MYLK: variants seen among roughly 807,000 people sequenced by gnomAD.
MYLK encodes myosin light chain kinase, smooth muscle.
A neutral mutation model predicts 203.4 loss-of-function variants in MYLK; 106 were observed. The ratio of observed to expected loss-of-function variants is 0.52; its 90% confidence interval spans 0.45 to 0.61. The LOEUF (loss-of-function observed/expected upper bound fraction) is 0.61, where lower values mean the gene tolerates loss of function less well. Ranked by LOEUF, MYLK falls within the 20% of genes least tolerant of loss-of-function variation. The pLI is 0.00. For synonymous variants in MYLK, 867 were observed against 959.5 expected (o/e 0.90, Z 1.78); for missense variants, 2,072 against 2,442.3 (o/e 0.85, Z 3.20).
intron 13 of MYLK, among the ~76,000 whole-genome samples, chr3:123,719,039 GAGA>G (rs1405991492): frequency 6.6e-6 from 1 of 152,206 alleles, no homozygotes; most frequent in Non-Finnish European, 1.5e-5. Flanking sequence ...CCAGGATTTG[GAGA>G]AGAAGAGAGT....
chr3:123,755,557 T>C (rs1417705689), intron 4 of MYLK, among the ~76,000 whole-genome samples: 1 of 152,090 alleles, frequency 6.6e-6, no homozygotes, highest in African/African-American at 2.4e-5. Flanking sequence ...AGTTCCAAGG[T>C]CTGAATGATT....
At chr3:123,673,289 A>G (rs1252820383) in intron 20 of MYLK, among the ~76,000 whole-genome samples, 4 of 150,670 alleles carry the variant, frequency 2.7e-5, no homozygotes, top group African/African-American at 7.4e-5. Flanking sequence ...GCACCCACTC[A>G]GCTAATTTTT....
intron 2 of MYLK, among the ~76,000 whole-genome samples, chr3:123,852,435 A>C (rs1393394249): frequency 6.6e-6 from 1 of 152,138 alleles, no homozygotes; most frequent in Non-Finnish European, 1.5e-5. Flanking sequence ...CAGGGATTCA[A>C]CTTCTGCCTG....
At chr3:123,787,884 G>A (rs1446131916) in intron 4 of MYLK, among the ~76,000 whole-genome samples, 2 of 152,160 alleles carry the variant, frequency 1.3e-5, no homozygotes, top group Admixed American at 1.3e-4. Context: ...TCTCCACAAA[G>A]TTGGGGCTAG....
intron 18 of MYLK, among the ~76,000 whole-genome samples, chr3:123,694,091 G>C (rs2060802478): frequency 6.6e-6 from 1 of 152,234 alleles, no homozygotes; most frequent in South Asian, 2.1e-4. Flanking sequence ...AAGGATATCA[G>C]TTCTGCCCAG....
chr3:123,763,837 G>A (rs956571387), intron 4 of MYLK, among the ~76,000 whole-genome samples: 4 of 152,112 alleles, frequency 2.6e-5, no homozygotes, highest in African/African-American at 7.2e-5. Context: ...TTTCATTACT[G>A]GCAATGCATG....
intron 12 of MYLK, among the ~76,000 whole-genome samples, chr3:123,725,483 G>A (rs1005207982): frequency 2.0e-5 from 3 of 152,286 alleles, no homozygotes; most frequent in Non-Finnish European, 4.4e-5. Flanking sequence ...AGAACCACCT[G>A]CCACTAAATA....
rs140167561 is a variant in MYLK at position 123,737,133 on chromosome 3, C to T, written c.754+245G>A. 918 of 502,314 alleles carry T rather than the reference C, an allele frequency of 1.8e-3. 9 individuals are homozygous for T. The highest frequency in any genetic ancestry group is 8.9e-3 in the Middle Eastern group (16 of 1,790). 31.1% of individuals were successfully genotyped at this position (502,314 alleles called of 1,614,324 possible). A position where few individuals can be genotyped will look rare whatever the true frequency, so the allele number is the denominator to read the frequency against. On this transcript the variant is annotated intron_variant, in intron 8 of 33. Transcript: ENST00000360304. ...ACTCAGGAGGCTGAGGCAGGAGAAT[C>T]GCTTGAACCTGGGTGGCGGAGGTTG... is the stretch of plus-strand genomic sequence containing the variant.
chr3:123,779,749 A>G (rs929881750), intron 4 of MYLK, among the ~76,000 whole-genome samples: 1 of 151,934 alleles, frequency 6.6e-6, no homozygotes, highest in Non-Finnish European at 1.5e-5. Flanking sequence ...ACCATCTCCC[A>G]CCCGCCTTTA....
At chr3:123,717,614 A>T (rs1009945829) in intron 13 of MYLK, among the ~76,000 whole-genome samples, 1 of 151,960 alleles carries the variant, frequency 6.6e-6, no homozygotes, top group Non-Finnish European at 1.5e-5. Flanking sequence ...AAAAAATTTT[A>T]AATATTCTAG....
chr3:123,647,166 G>T, intron 27 of MYLK, 58 bp downstream of exon 27: 5 of 1,525,694 alleles, frequency 3.3e-6, no homozygotes, highest in South Asian at 1.1e-5. Context: ...AGGGCAGTAG[G>T]GGAGACACGT....
chr3:123,824,876 C>T (rs1045929405), intron 3 of MYLK, among the ~76,000 whole-genome samples: 7 of 152,078 alleles, frequency 4.6e-5, no homozygotes, highest in African/African-American at 9.7e-5. Context: ...AGGCTGGGTT[C>T]GTTGGCTCAA....
At chr3:123,657,033 G>C (rs1045930050) in intron 24 of MYLK, 93 bp downstream of exon 24, 9 of 1,427,482 alleles carry the variant, frequency 6.3e-6, no homozygotes, top group Non-Finnish European at 8.9e-6. Context: ...TGTTTCCTCA[G>C]TTCCTTTTCA....
chr3:123,709,233 C>T (rs2061591147), intron 14 of MYLK: 1 of 218,744 alleles, frequency 4.6e-6, no homozygotes, highest in East Asian at 1.1e-4. Flanking sequence ...CTCCACCTCC[C>T]AGGTTCACGC....
At chr3:123,834,463 C>G (rs535955023) in intron 2 of MYLK, among the ~76,000 whole-genome samples, 1 of 152,160 alleles carries the variant, frequency 6.6e-6, no homozygotes, top group African/African-American at 2.4e-5. Context: ...TAATAAAGGT[C>G]TTGGTGGTTC....
At chr3:123,682,057 G>T in intron 20 of MYLK, 167 bp downstream of exon 20, 1 of 692,648 alleles carries the variant, frequency 1.4e-6, no homozygotes, top group South Asian at 1.5e-5. Context: ...CACTGGCTCT[G>T]TTATTGGGAG....
chr3:123,677,200 A>G (rs1311826105), intron 20 of MYLK, among the ~76,000 whole-genome samples: 3 of 152,228 alleles, frequency 2.0e-5, no homozygotes, highest in Non-Finnish European at 2.9e-5. Context: ...TATTAATCTC[A>G]ACTGAACTGT....
intron 4 of MYLK, among the ~76,000 whole-genome samples, chr3:123,768,636 C>A (rs544380672): frequency 2.6e-5 from 4 of 152,360 alleles, no homozygotes; most frequent in South Asian, 2.1e-4. Flanking sequence ...GTTTGTAAGG[C>A]TGAAAAATAA....
chr3:123,840,370 T>TTATATATA (rs56361020), intron 2 of MYLK, among the ~76,000 whole-genome samples: 19 of 148,628 alleles, frequency 1.3e-4, no homozygotes, highest in African/African-American at 4.7e-4. Context: ...CCTACAGACA[T>TTATATATA]TATATATATA....
Sources: gnomAD v4.1 joint callset for allele counts (sites outside exome capture counted in the v4.1 genomes callset) on GRCh38, gnomAD v4.1.1 for gene constraint, MANE v1.5 for transcripts, NCBI Gene and HGNC (gene_info 2026-07-23, HGNC 2026-07-21) for gene names.